CCNY: variants seen among roughly 807,000 people sequenced by gnomAD.
The protein encoded by CCNY is cyclin Y, also known as cyclin-Y.
Under a neutral mutation model 42.8 loss-of-function variants are expected in CCNY, and 19 were observed. The observed-to-expected ratio is 0.44, with a 90% CI of 0.31 to 0.65. CCNY has a LOEUF of 0.65. CCNY is among the 30% of genes least tolerant of loss of function. The pLI, the probability that CCNY is intolerant of heterozygous loss-of-function variation, is 0.07. For synonymous variants in CCNY, 165 were observed against 162.7 expected, an observed-to-expected ratio of 1.01 and a Z score of -0.11; for missense variants, 370 against 437.3, an observed-to-expected ratio of 0.85 and a Z score of 1.37.
intron 3 of CCNY, among the ~76,000 whole-genome samples, chr10:35,263,504 G>A (rs1005957823): frequency 4.0e-5 from 6 of 151,178 alleles, no homozygotes; most frequent in African/African-American, 7.3e-5. Context: ...TGGTGTCACC[G>A]TACTCCAGCC....
At chr10:35,526,669 G>GTTTT (rs34425324) in intron 5 of CCNY, among the ~76,000 whole-genome samples, 1 of 142,658 alleles carries the variant, frequency 7.0e-6, no homozygotes, top group African/African-American at 2.6e-5. Context: ...TCCTTTCCAA[G>GTTTT]TTTTTTTTTT....
intron 1 of CCNY, among the ~76,000 whole-genome samples, chr10:35,376,285 C>T (rs192968129): frequency 6.6e-5 from 10 of 152,228 alleles, no homozygotes; most frequent in African/African-American, 2.2e-4. Flanking sequence ...ATGAAGTTAC[C>T]GTATGACGCA....
At chr10:35,554,456 AT>A (rs1437414861) in intron 8 of CCNY, among the ~76,000 whole-genome samples, 2 of 152,214 alleles carry the variant, frequency 1.3e-5, no homozygotes, top group African/African-American at 4.8e-5. Context: ...TCTTGACTAT[AT>A]TTCATGGTGA....
chr10:35,516,661 C>CTTTTTTTTTTTT (rs35268084), intron 4 of CCNY, 38 bp downstream of exon 4: 33 of 327,610 alleles, frequency 1.0e-4, no homozygotes, highest in African/African-American at 9.4e-4. Flanking sequence ...TCCTTCCTTC[C>CTTTTTTTTTTTT]TTTTTTTTTT....
chr10:35,372,575 G>C (rs1281712610), intron 1 of CCNY, among the ~76,000 whole-genome samples: 1 of 152,054 alleles, frequency 6.6e-6, no homozygotes, highest in African/African-American at 2.4e-5. Context: ...TCCTGATTAC[G>C]TGCCTTTGCT....
chr10:35,298,149 T>C (rs1031448320), intron 3 of CCNY, among the ~76,000 whole-genome samples: 2 of 152,130 alleles, frequency 1.3e-5, no homozygotes, highest in Non-Finnish European at 2.9e-5. Context: ...AGCAGACACA[T>C]AGACCAATGG....
At chr10:35,266,249 C>CTTTTTTTTTTTTTT (rs773886027) in intron 3 of CCNY, among the ~76,000 whole-genome samples, 18 of 110,128 alleles carry the variant, frequency 1.6e-4, no homozygotes, top group South Asian at 6.5e-4. Flanking sequence ...GGCTAATTTC[C>CTTTTTTTTTTTTTT]TTTTTTTTTT....
intron 7 of CCNY, among the ~76,000 whole-genome samples, chr10:35,549,078 C>CTCCG (rs1286130103): frequency 6.6e-6 from 1 of 151,596 alleles, no homozygotes; most frequent in Non-Finnish European, 1.5e-5. Context: ...TGGGTGCCAA[C>CTCCG]TCCGTGCCCC....
At chr10:35,379,539 G>T (rs1212431919) in intron 1 of CCNY, among the ~76,000 whole-genome samples, 1 of 152,246 alleles carries the variant, frequency 6.6e-6, no homozygotes, top group Non-Finnish European at 1.5e-5. Context: ...GGAAGTGATT[G>T]AGTGAGCTAC....
chr10:35,542,516 G>T (rs1460941670), intron 7 of CCNY, among the ~76,000 whole-genome samples: 4 of 152,166 alleles, frequency 2.6e-5, no homozygotes, highest in Non-Finnish European at 5.9e-5. Context: ...GCAGGCAGTT[G>T]TGTTCCACCT....
intron 1 of CCNY, among the ~76,000 whole-genome samples, chr10:35,371,707 A>T (rs548952589): frequency 1.3e-5 from 2 of 152,238 alleles, no homozygotes; most frequent in Non-Finnish European, 2.9e-5. Context: ...CACAGGGTGG[A>T]GGCCCTGGGC....
At chr10:35,286,489 C>T (rs1253399658) in intron 3 of CCNY, among the ~76,000 whole-genome samples, 1 of 151,502 alleles carries the variant, frequency 6.6e-6, no homozygotes, top group East Asian at 1.9e-4. Context: ...CGCCCAAGTA[C>T]CTCGGATTAC....
At chr10:35,500,941 G>A (rs1840098850) in intron 2 of CCNY, among the ~76,000 whole-genome samples, 2 of 152,152 alleles carry the variant, frequency 1.3e-5, no homozygotes, top group Non-Finnish European at 2.9e-5. Flanking sequence ...TTGGGGTTGG[G>A]TGCCACAAGG....
intron 9 of CCNY, among the ~76,000 whole-genome samples, chr10:35,567,864 CCA>C (rs1360364053): frequency 6.6e-6 from 1 of 152,154 alleles, no homozygotes; most frequent in Non-Finnish European, 1.5e-5. Context: ...GAAAGCCCAC[CCA>C]GTCTCCCAGT....
intron 8 of CCNY, among the ~76,000 whole-genome samples, chr10:35,562,653 CT>C (rs1446653341): frequency 2.0e-5 from 3 of 152,104 alleles, no homozygotes; most frequent in Non-Finnish European, 4.4e-5. Context: ...AATTTCCTTT[CT>C]TTTTAGGGCT....
upstream of CCNY, among the ~76,000 whole-genome samples, chr10:35,332,884 G>A (rs1835962935): frequency 6.6e-6 from 1 of 152,208 alleles, no homozygotes. Flanking sequence ...GATTACAGGT[G>A]TGAACCACCG....
At chr10:35,451,256 T>G (rs1392322601) in intron 1 of CCNY, among the ~76,000 whole-genome samples, 1 of 152,090 alleles carries the variant, frequency 6.6e-6, no homozygotes, top group African/African-American at 2.4e-5. Flanking sequence ...AAGTTAAGAG[T>G]CAGAGAAGGA....
chr10:35,554,257 C>T (rs987689176), intron 8 of CCNY, among the ~76,000 whole-genome samples: 2 of 152,116 alleles, frequency 1.3e-5, no homozygotes, highest in African/African-American at 4.8e-5. Flanking sequence ...TACTGACTCC[C>T]CAGGCACCCA....
upstream of CCNY, among the ~76,000 whole-genome samples, chr10:35,334,446 C>T (rs1487007694): frequency 6.6e-6 from 1 of 152,090 alleles, no homozygotes; most frequent in East Asian, 1.9e-4. Context: ...GCAATCTGAC[C>T]CAAACTCCAT....
Sources: allele counts gnomAD v4.1 joint callset (sites outside exome capture counted in the v4.1 genomes callset), GRCh38; gene constraint gnomAD v4.1.1; transcripts MANE v1.5; gene names NCBI Gene and HGNC (gene_info 2026-07-23, HGNC 2026-07-21).